OSER1: variants seen among roughly 807,000 people sequenced by gnomAD.
OSER1 encodes oxidative stress responsive serine rich 1.
In OSER1, 15 loss-of-function variants were observed where a neutral mutation model predicts 26.3. That is an observed-to-expected ratio of 0.57 (90% CI 0.38 to 0.88). The LOEUF (loss-of-function observed/expected upper bound fraction) is 0.88. Among genes scored for constraint, OSER1 ranks in the 40% least tolerant of loss-of-function variants. The pLI is 0.00. For synonymous variants in OSER1, 127 were observed against 128.2 expected, an observed-to-expected ratio of 0.99 and a Z score of 0.07; for missense variants, 313 against 353.9, an observed-to-expected ratio of 0.88 and a Z score of 0.93.
intron 3 of OSER1, among the ~76,000 whole-genome samples, chr20:44,200,896 G>C (rs2072975183): frequency 6.6e-6 from 1 of 152,222 alleles, no homozygotes; most frequent in African/African-American, 2.4e-5. Context: ...AACGAAACCA[G>C]AAGACAATGA....
At position 44,197,492 on chromosome 20, in the gene OSER1, C is replaced by T. The variant is rs2232289; in HGVS notation, c.439G>A (p.Val147Ile). 186 of 1,614,174 alleles carry T rather than the reference C, an allele frequency of 1.2e-4. No individual in the cohort carries two copies. In the Middle Eastern group the frequency reaches 1.5e-3, roughly 13 times the overall value. ...GGAACAGAAGTTCTCAAAGGCTCAA[C>T]GACTGCCCCTGTGTGATTAGCATCG... ...SLDANHTGAV[V>I]EPLRTSVPRL... is the part of the protein sequence containing the mutation. Residue 147 changes from valine (V) to isoleucine (I), a missense_variant, in exon 4 of 4, where the codon GTT (valine) becomes ATT (isoleucine). This residue lies in a region of OSER1 where 300 missense variants were observed against 318.3 expected (regional missense o/e 0.94). Coordinates refer to ENST00000255174, the MANE Select transcript of OSER1 (RefSeq NM_016470.8).
intron 1 of OSER1, among the ~76,000 whole-genome samples, chr20:44,208,286 A>G (rs1425446952): frequency 1.3e-5 from 2 of 152,148 alleles, no homozygotes; most frequent in Non-Finnish European, 2.9e-5. Context: ...AGTAACCATT[A>G]TATTATTGTA....
At chr20:44,200,597 G>A (rs1244497838) in intron 3 of OSER1, among the ~76,000 whole-genome samples, 2 of 152,228 alleles carry the variant, frequency 1.3e-5, no homozygotes, top group Non-Finnish European at 1.5e-5. Flanking sequence ...AAAGTTAAGA[G>A]AGATGACAGA....
intron 1 of OSER1, 80 bp downstream of exon 1, chr20:44,210,616 G>A (rs2073094705): frequency 6.6e-6 from 1 of 152,436 alleles, no homozygotes; most frequent in South Asian, 2.1e-4. Context: ...CGGGCCCGGG[G>A]AAAACCGCCC....
chr20:44,196,817 T>C lies in OSER1; in HGVS notation c.*235A>G. 9.0e-6 allele frequency: 4 copies of C among 444,680 alleles called. No individual in the cohort carries two copies. The allele number at this position is 444,680 out of a possible 1,614,324, so 27.5% of individuals were successfully genotyped here. On this transcript the variant is annotated 3_prime_UTR_variant, in exon 4 of 4. Transcript: ENST00000255174. Reference sequence around the variant, plus strand: ...ATGGTTTCTTCATCCCCCAGGAACATTTCTAAATAAGGGGGATTTTTCTTT... The same window carrying C: ...ATGGTTTCTTCATCCCCCAGGAACACTTCTAAATAAGGGGGATTTTTCTTT...
intron 3 of OSER1, among the ~76,000 whole-genome samples, chr20:44,200,382 G>A (rs2072968870): frequency 6.6e-6 from 1 of 152,190 alleles, no homozygotes; most frequent in African/African-American, 2.4e-5. Context: ...AAGACAGAAT[G>A]TGTCCACCAG....
intron 1 of OSER1, among the ~76,000 whole-genome samples, chr20:44,210,321 G>A (rs2073088177): frequency 6.6e-6 from 1 of 152,226 alleles, no homozygotes; most frequent in Admixed American, 6.5e-5. Context: ...AAGGAGTGGG[G>A]CCGAAGAGGT....
chr20:44,196,862 G>T lies in OSER1; in HGVS notation c.*190C>A, dbSNP rs1287990518. ...TTCTTTGATCTGCTCGCCTTGAAGT[G>T]TATGTAAGAACTCAAGAGAGTAAGT... On this transcript the variant is annotated 3_prime_UTR_variant, in exon 4 of 4. Coordinates refer to ENST00000255174, the MANE Select transcript of OSER1 (RefSeq NM_016470.8). The T allele has an allele frequency of 3.5e-6, 2 of 563,500 alleles. No homozygotes were observed. Among genetic ancestry groups the T allele is most frequent in the Non-Finnish European group, 3.2e-6 (1 of 314,278 alleles). 34.9% of individuals were successfully genotyped at this position (563,500 alleles called of 1,614,324 possible).
intron 2 of OSER1, among the ~76,000 whole-genome samples, chr20:44,205,329 CTCTCTGCT>C (rs2073027143): frequency 6.6e-6 from 1 of 152,216 alleles, no homozygotes; most frequent in African/African-American, 2.4e-5. Context: ...CAATCTGGAA[CTCTCTGCT>C]TCTCTGCTTT....
intron 2 of OSER1, among the ~76,000 whole-genome samples, chr20:44,205,249 A>C (rs961060378): frequency 6.6e-6 from 1 of 152,248 alleles, no homozygotes; most frequent in Admixed American, 6.5e-5. Flanking sequence ...GTGGGTACAC[A>C]TTCCTAGTAT....
chr20:44,196,996 TA>T lies in OSER1; in HGVS notation c.*55del. The T allele has an allele frequency of 7.7e-7, 1 of 1,294,092 alleles. No individual in the cohort carries two copies. Among genetic ancestry groups the T allele is most frequent in the South Asian group, 1.3e-5 (1 of 78,492 alleles). 80.2% of individuals were successfully genotyped at this position (1,294,092 alleles called of 1,614,324 possible). A position where few individuals can be genotyped will look rare whatever the true frequency, so the allele number is the denominator to read the frequency against. ...AGTGGCCACAAGGTCTGCCATTAAC[TA>T]AATCTCTTTGACAAGCCTTCATTGG... On this transcript the variant is annotated 3_prime_UTR_variant, in exon 4 of 4. Transcript: ENST00000255174.
chr20:44,202,297 C>A (rs987126686), intron 3 of OSER1, among the ~76,000 whole-genome samples: 7 of 152,200 alleles, frequency 4.6e-5, no homozygotes, highest in Admixed American at 4.6e-4. Flanking sequence ...ACTGCTTAAA[C>A]CGGGGAGGCG....
intron 1 of OSER1, 82 bp from the exon 2 acceptor site, chr20:44,207,080 A>G: frequency 1.5e-6 from 1 of 648,696 alleles, no homozygotes; most frequent in Non-Finnish European, 2.7e-6. Context: ...AGAAAAAAAA[A>G]GCAAATTTTT....
chr20:44,201,019 A>C (rs1455408842), intron 3 of OSER1, among the ~76,000 whole-genome samples: 4 of 135,140 alleles, frequency 3.0e-5, no homozygotes. Context: ...ATTTTCAGAT[A>C]AATGAAAGCA....
chr20:44,197,605 T>C lies in OSER1; in HGVS notation c.326A>G (p.Lys109Arg). Reference protein sequence around the residue: ...ASSSSSQLKHKSQTDSPDGSS... With the variant: ...ASSSSSQLKHRSQTDSPDGSS... ...GCCATCAGGTGAGTCAGTCTGGCTT[T>C]TGTGCTTGAGTTGACTGCTGGAAGA... Residue 109 changes from lysine (K) to arginine (R), a missense_variant, in exon 4 of 4, where the codon AAA (lysine) becomes AGA (arginine). Transcript: ENST00000255174. 1.9e-6 allele frequency: 3 copies of C among 1,614,214 alleles called. No homozygotes were observed. Among genetic ancestry groups the C allele is most frequent in the Non-Finnish European group, 2.5e-6 (3 of 1,180,018 alleles).
chr20:44,209,893 A>G (rs116605707), intron 1 of OSER1: 23 of 152,292 alleles, frequency 1.5e-4, no homozygotes, highest in African/African-American at 5.3e-4. Flanking sequence ...AAGATTTCGA[A>G]ACTCCCAGAC....
At chr20:44,199,142 TGTG>T (rs2072954915) in intron 3 of OSER1, among the ~76,000 whole-genome samples, 2 of 152,236 alleles carry the variant, frequency 1.3e-5, no homozygotes, top group South Asian at 4.1e-4. Context: ...GTGCTTCTGC[TGTG>T]GTTAGAATGT....
At chr20:44,209,382 G>C (rs1259042037) in intron 1 of OSER1, among the ~76,000 whole-genome samples, 1 of 152,310 alleles carries the variant, frequency 6.6e-6, no homozygotes, top group East Asian at 1.9e-4. Context: ...TTAAGAGCTA[G>C]AGAAGAGCAT....
At chr20:44,208,933 C>T (rs2073067649) in intron 1 of OSER1, among the ~76,000 whole-genome samples, 1 of 152,180 alleles carries the variant, frequency 6.6e-6, no homozygotes, top group African/African-American at 2.4e-5. Flanking sequence ...CTGAACCCTA[C>T]AGGCAGAAAT....
Sources: gnomAD v4.1 joint callset for allele counts (sites outside exome capture counted in the v4.1 genomes callset) on GRCh38, gnomAD v4.1.1 for gene constraint, gnomAD v4.1.1 regional missense constraint, MANE v1.5 for transcripts, NCBI Gene and HGNC (gene_info 2026-07-23, HGNC 2026-07-21) for gene names.